The following CCDC136 variants were observed in gnomAD, a reference collection of about 807,000 sequenced individuals.
CCDC136 encodes coiled-coil domain containing 136.
Under a neutral mutation model 141.2 loss-of-function variants are expected in CCDC136, and 100 were observed. The observed-to-expected ratio is 0.71, with a 90% CI of 0.60 to 0.84. The LOEUF is 0.84. Ranked by LOEUF, CCDC136 falls within the 40% of genes least tolerant of loss-of-function variation. CCDC136 has a pLI of 0.00. For missense variants in CCDC136, 1,206 were observed against 1,379.4 expected (o/e 0.87, Z 1.99); for synonymous variants, 474 against 531.9 (o/e 0.89, Z 1.50).
upstream of CCDC136, among the ~76,000 whole-genome samples, chr7:128,791,171 C>T (rs1802116028): frequency 6.6e-6 from 1 of 152,214 alleles, no homozygotes; most frequent in Non-Finnish European, 1.5e-5. This position sits in a 1 kb window ranked among gnomAD's most constrained non-coding sequence, Gnocchi z 7.1. Flanking sequence ...GGATCTCGCT[C>T]CTCCCTCTTG....
chr7:128,811,468 TGA>T, intron 12 of CCDC136: 1 of 433,348 alleles, frequency 2.3e-6, no homozygotes, highest in South Asian at 1.8e-5. Flanking sequence ...TATACCTGAC[TGA>T]GAAGAGGGTG....
Position 128,801,381 on chromosome 7 carries a change from A to G in CCDC136, c.542A>G (p.Glu181Gly), listed in dbSNP as rs1364656405. 5 of 1,613,402 alleles carry G rather than the reference A, an allele frequency of 3.1e-6. No homozygotes were observed. In the East Asian group the frequency reaches 1.1e-4, roughly 36 times the overall value. ...LQEDLCRMQN[E>G]LEDMERIRGD... is the part of the protein sequence containing the mutation. ...GAGGATCTCTGCCGGATGCAGAATG[A>G]ACTTGAAGACATGGAACGCATTCGG... The change falls in exon 4 of 18, where the codon GAA becomes GGA. Residue 181 changes from glutamate to glycine, a missense_variant. By Grantham distance (98) the Glu-to-Gly change is moderately conservative. Transcript: ENST00000297788.
rs764059209 is a variant in CCDC136 at position 128,812,318 on chromosome 7, G to T, written c.2541+6G>T. 2.5e-6 allele frequency: 4 copies of T among 1,608,254 alleles called. 1 individual carries two copies. The highest frequency in any genetic ancestry group is 1.3e-5 in the African/African-American group (1 of 74,974). On this transcript the variant is annotated splice_donor_region_variant and intron_variant, in intron 13 of 17. Coordinates refer to ENST00000297788, the MANE Select transcript of CCDC136 (RefSeq NM_022742.5). ...CTGAGCCTGAAGACATGGAGGTAATGGTTGCCAGGTGACAGGTCAGGCAGG... is the reference window on the plus strand; with the variant it reads ...CTGAGCCTGAAGACATGGAGGTAATTGTTGCCAGGTGACAGGTCAGGCAGG...
rs766986492 is a variant in CCDC136 at position 128,792,338 on chromosome 7, T to C, written c.-74T>C. ...CTCTCAGGACCCACAGTGACCACTC[T>C]AGGCTCCTATGAGGCTTCCGAGGGC... On this transcript the variant is annotated 5_prime_UTR_variant, in exon 1 of 18. Coordinates refer to ENST00000297788, the MANE Select transcript of CCDC136 (RefSeq NM_022742.5). The C allele has an allele frequency of 7.3e-7, 1 of 1,377,386 alleles. No homozygotes were observed. Among genetic ancestry groups the C allele is most frequent in the East Asian group, 4.1e-5 (1 of 24,346 alleles). 85.3% of individuals were successfully genotyped at this position (1,377,386 alleles called of 1,614,324 possible).
intron 10 of CCDC136, 75 bp from the exon 11 acceptor site, chr7:128,809,374 AG>A: frequency 1.0e-6 from 1 of 977,254 alleles, no homozygotes; most frequent in Admixed American, 2.1e-5. Flanking sequence ...AGGAGAGCGC[AG>A]AAGTGCTCTG....
chr7:128,802,142 CA>C (rs1429390525), intron 4 of CCDC136, among the ~76,000 whole-genome samples: 2 of 152,084 alleles, frequency 1.3e-5, no homozygotes, highest in Admixed American at 1.3e-4. Flanking sequence ...CAAATCGGAA[CA>C]AAAGACAGCT....
chr7:128,809,078 A>G (rs1316280084), intron 10 of CCDC136: 2 of 609,360 alleles, frequency 3.3e-6, no homozygotes, highest in Non-Finnish European at 4.2e-6. Context: ...AATGAGAATA[A>G]CAGGAGCTAA....
intron 12 of CCDC136, among the ~76,000 whole-genome samples, chr7:128,810,891 C>T (rs1353056348): frequency 6.6e-6 from 1 of 152,202 alleles, no homozygotes; most frequent in Non-Finnish European, 1.5e-5. Context: ...ACCACACTAT[C>T]TTCATTGGAA....
In CCDC136 at chr7:128,821,810, G is replaced by T; in HGVS notation, c.*17G>T. The T allele has an allele frequency of 7.7e-7, 1 of 1,290,492 alleles. No individual in the cohort carries two copies. Among genetic ancestry groups the T allele is most frequent in the Non-Finnish European group, 1.0e-6 (1 of 989,014 alleles). 79.9% of individuals were successfully genotyped at this position (1,290,492 alleles called of 1,614,324 possible). On this transcript the variant is annotated 3_prime_UTR_variant, in exon 18 of 18. Transcript: ENST00000297788. The surrounding 1 kb of genome is among the most constrained non-coding windows in gnomAD (Gnocchi z 5.1). The stretch of plus-strand genomic sequence containing the variant: ...TTTGGTCCCCACAGAACATGTTTGG[G>T]TTGTGGAAGCCTATGGTATTCTTGG...
At chr7:128,792,572 C>G (rs1802344741) in intron 1 of CCDC136, 145 bp downstream of exon 1, 1 of 614,952 alleles carries the variant, frequency 1.6e-6, no homozygotes, top group Non-Finnish European at 2.8e-6. Context: ...GCTCAGAGCT[C>G]CAGCCCTTCC....
At chr7:128,810,845 GAGA>G (rs1243691093) in intron 12 of CCDC136, among the ~76,000 whole-genome samples, 1 of 152,214 alleles carries the variant, frequency 6.6e-6, no homozygotes, top group African/African-American at 2.4e-5. Flanking sequence ...TCATTTCCAA[GAGA>G]AGAATTCCTA....
At position 128,805,302 on chromosome 7, in the gene CCDC136, G is replaced by C; in HGVS notation, c.783-57G>C. 6.5e-7 allele frequency: 1 copy of C among 1,528,962 alleles called. No individual in the cohort carries two copies. Among genetic ancestry groups the C allele is most frequent in the Non-Finnish European group, 9.0e-7 (1 of 1,110,548 alleles). The allele number at this position is 1,528,962 out of a possible 1,614,324, so 94.7% of individuals were successfully genotyped here. On this transcript the variant is annotated intron_variant, in intron 5 of 17. Transcript: ENST00000297788. The surrounding 1 kb of genome is among the most constrained non-coding windows in gnomAD (Gnocchi z 4.6). ...AAGGTATCAGGACAAAGCCTGCATG[G>C]CTGGTGATGCCAGGCAGAACTCCCT...
chr7:128,820,515 C>G (rs979254755), intron 17 of CCDC136, among the ~76,000 whole-genome samples: 1 of 152,202 alleles, frequency 6.6e-6, no homozygotes, highest in African/African-American at 2.4e-5. Flanking sequence ...TTTAAGAACA[C>G]CAGACTAACA....
chr7:128,807,110 G>A (rs1804980191), intron 9 of CCDC136, among the ~76,000 whole-genome samples: 1 of 152,038 alleles, frequency 6.6e-6, no homozygotes, highest in Non-Finnish European at 1.5e-5. Flanking sequence ...AGCCCCAGAA[G>A]GTCTGTGTTT....
At chr7:128,819,122 A>T (rs1290550613) in intron 17 of CCDC136, among the ~76,000 whole-genome samples, 1 of 151,698 alleles carries the variant, frequency 6.6e-6, no homozygotes, top group East Asian at 1.9e-4. Context: ...CTCCCCTGTC[A>T]CCCCCCAGAA....
upstream of CCDC136, chr7:128,791,943 C>A (rs766746215): frequency 2.3e-6 from 2 of 873,222 alleles, no homozygotes; most frequent in Admixed American, 9.2e-5. This position sits in a 1 kb window ranked among gnomAD's most constrained non-coding sequence, Gnocchi z 7.1. Flanking sequence ...CTACCCCTTC[C>A]CGCACGCCCC....
rs1807382399 is a variant in CCDC136, at chr7:128,821,126, A to G, written c.*6-673A>G. On this transcript the variant is annotated intron_variant, in intron 17 of 17. Transcript: ENST00000297788. The surrounding 1 kb of genome is among the most constrained non-coding windows in gnomAD (Gnocchi z 5.1). ...CTTCGATGGTGCCACTTGTCCCATG[A>G]ATCAGCAGGGTTCCCTAGTGGCCGG... Among the ~76,000 whole-genome samples the G allele has an allele frequency of 6.6e-6, 1 of 152,244 alleles. No homozygotes were observed. The highest frequency in any genetic ancestry group is 2.4e-5 in the African/African-American group (1 of 41,460).
chr7:128,812,580 T>C, intron 13 of CCDC136, 128 bp from the exon 14 acceptor site: 1 of 760,948 alleles, frequency 1.3e-6, no homozygotes. Context: ...GGGGTAAATA[T>C]AGTAATCCCC....
intron 7 of CCDC136, 131 bp from the exon 8 acceptor site, chr7:128,806,106 A>G: frequency 1.0e-6 from 1 of 997,128 alleles, no homozygotes; most frequent in South Asian, 1.7e-5. Flanking sequence ...TCCATCTCAC[A>G]GAAGAAACCA....
Sources: gnomAD v4.1 joint callset for allele counts (sites outside exome capture counted in the v4.1 genomes callset) on GRCh38, gnomAD v4.1.1 for gene constraint, Gnocchi (gnomAD v3.1) non-coding constraint, MANE v1.5 for transcripts, NCBI Gene and HGNC (gene_info 2026-07-23, HGNC 2026-07-21) for gene names.